The following CYB5D2 variants were observed in gnomAD, a reference collection of about 807,000 sequenced individuals.
The protein encoded by CYB5D2 is cytochrome b5 domain containing 2, also known as neuferricin.
A neutral mutation model predicts 22.8 loss-of-function variants in CYB5D2; 23 were observed. The observed-to-expected ratio is 1.01, with a 90% CI of 0.73 to 1.43. The LOEUF is 1.43. CYB5D2 is among the 40% of genes most tolerant of loss of function. The pLI, the probability that CYB5D2 is intolerant of heterozygous loss-of-function variation, is 0.00. For missense variants in CYB5D2, 373 were observed against 357.2 expected, an observed-to-expected ratio of 1.04 and a Z score of -0.36; for synonymous variants, 170 against 152.2, an observed-to-expected ratio of 1.12 and a Z score of -0.86.
At chr17:4,146,328 C>T (rs1260892143) in intron 1 of CYB5D2, among the ~76,000 whole-genome samples, 1 of 152,038 alleles carries the variant, frequency 6.6e-6, no homozygotes, top group Non-Finnish European at 1.5e-5. Context: ...ATCCTGGCCT[C>T]ATGTGATCCA....
In CYB5D2 at chr17:4,143,549, C is replaced by A; in HGVS notation, c.-207C>A. On this transcript the variant is annotated 5_prime_UTR_variant, in exon 1 of 4. The change creates a new upstream start codon in the 5' untranslated region. Coordinates refer to ENST00000301391, the MANE Select transcript of CYB5D2 (RefSeq NM_144611.4). ...TCTCAGAAAAAAAAAAAAAAAGTAC[C>A]TGGAAAAAGTCGCAGACAGCGAGCT... The A allele has an allele frequency of 1.7e-6, 1 of 579,266 alleles. No homozygotes were observed. Among genetic ancestry groups the A allele is most frequent in the Non-Finnish European group, 2.8e-6 (1 of 358,582 alleles). The allele number at this position is 579,266 out of a possible 1,614,324, so 35.9% of individuals were successfully genotyped here. A position where few individuals can be genotyped will look rare whatever the true frequency, so the allele number is the denominator to read the frequency against.
chr17:4,149,675 T>G (rs4790573), intron 1 of CYB5D2, among the ~76,000 whole-genome samples: 108,089 of 152,026 alleles, frequency 0.71, 39,686 homozygotes, highest in East Asian at 0.92. Flanking sequence ...GGCGGGCGCC[T>G]GTAATCCCCG....
chr17:4,154,982 A>G (rs2059098976), intron 3 of CYB5D2, 122 bp downstream of exon 3: 2 of 1,045,298 alleles, frequency 1.9e-6, no homozygotes, highest in African/African-American at 1.6e-5. Context: ...TTTTCAAAAT[A>G]CTGATAATAA....
At chr17:4,147,314 G>A (rs1447402507) in intron 1 of CYB5D2, among the ~76,000 whole-genome samples, 1 of 152,152 alleles carries the variant, frequency 6.6e-6, no homozygotes, top group Non-Finnish European at 1.5e-5. Context: ...GATATTTACT[G>A]GGAATTTACT....
Position 4,143,241 on chromosome 17 carries a change from G to T in CYB5D2, c.-515G>T. The T allele has an allele frequency of 4.3e-6, 1 of 230,588 alleles. No homozygotes were observed. The highest frequency in any genetic ancestry group is 2.3e-5 in the African/African-American group (1 of 44,286). 14.3% of individuals were successfully genotyped at this position (230,588 alleles called of 1,614,324 possible). A position where few individuals can be genotyped will look rare whatever the true frequency, so the allele number is the denominator to read the frequency against. On this transcript the variant is annotated 5_prime_UTR_variant, in exon 1 of 4. Coordinates refer to ENST00000301391, the MANE Select transcript of CYB5D2 (RefSeq NM_144611.4). ...ACAACCTGCAAGCCAAGAAGTACGA[G>T]AAGGGCCAGGCGCGGTGGCTCACGC... is the stretch of plus-strand genomic sequence containing the variant.
At chr17:4,145,151 G>GA (rs2058973607) in intron 1 of CYB5D2, among the ~76,000 whole-genome samples, 1 of 150,794 alleles carries the variant, frequency 6.6e-6, no homozygotes, top group East Asian at 1.9e-4. Context: ...AATTTAAAAA[G>GA]AAAAAAAAAG....
chr17:4,147,072 T>G (rs2059000302), intron 1 of CYB5D2, among the ~76,000 whole-genome samples: 1 of 152,224 alleles, frequency 6.6e-6, no homozygotes, highest in African/African-American at 2.4e-5. Flanking sequence ...CTACTTTTTT[T>G]GCCTGTTATA....
chr17:4,150,891 C>G (rs1016723644), intron 2 of CYB5D2: 1 of 152,268 alleles, frequency 6.6e-6, no homozygotes. Flanking sequence ...TAGATTGCTT[C>G]ACAAGTACTG....
chr17:4,143,965 G>C lies in CYB5D2; in HGVS notation c.210G>C (p.Arg70=), dbSNP rs1322696669. 6.2e-7 allele frequency: 1 copy of C among 1,612,332 alleles called. No individual in the cohort carries two copies. The change falls in exon 1 of 4, where the codon CGG becomes CGC. Residue 70 remains arginine, a synonymous_variant. Transcript: ENST00000301391. ...LGRVYDVSSG[R]RHYEPGSHYS... ...GTGTCTACGATGTGTCCTCCGGCCG[G>C]AGGCACTACGAGCCTGGGTCCCACT...
intron 2 of CYB5D2, among the ~76,000 whole-genome samples, chr17:4,152,270 A>G (rs2059067015): frequency 6.6e-6 from 1 of 152,202 alleles, no homozygotes; most frequent in Admixed American, 6.5e-5. Flanking sequence ...CAGGGGGACC[A>G]GGGATGAATT....
chr17:4,147,350 T>C (rs2059003645), intron 1 of CYB5D2, among the ~76,000 whole-genome samples: 1 of 152,256 alleles, frequency 6.6e-6, no homozygotes, highest in South Asian at 2.1e-4. Context: ...TACCAGACAC[T>C]GGGGAATCCA....
In CYB5D2 at chr17:4,157,416, T is replaced by C. The variant is rs1228022660; in HGVS notation, c.*334T>C. On this transcript the variant is annotated 3_prime_UTR_variant, in exon 4 of 4. Coordinates refer to ENST00000301391, the MANE Select transcript of CYB5D2 (RefSeq NM_144611.4). The surrounding 1 kb of genome is among the most constrained non-coding windows in gnomAD (Gnocchi z 4.4). Reference sequence around the variant, plus strand: ...ATTTACAACCAAAAGCCTGCTGAGTTGATTACAGCTGGGCCAATACAGTAC... The same window carrying C: ...ATTTACAACCAAAAGCCTGCTGAGTCGATTACAGCTGGGCCAATACAGTAC... 1 of 401,508 alleles carries C rather than the reference T, an allele frequency of 2.5e-6. No individual in the cohort carries two copies. Among genetic ancestry groups the C allele is most frequent in the Non-Finnish European group, 4.6e-6 (1 of 215,084 alleles). 24.9% of individuals were successfully genotyped at this position (401,508 alleles called of 1,614,324 possible).
rs376900070 is a variant in CYB5D2, at chr17:4,154,710, T to C, written c.428T>C (p.Leu143Pro). ...GGACGGTTCTACGGAGAGGATGGGC[T>C]GCCCACCCCGGCACTGACCCAGGTA... Reference protein sequence around the residue: ...VTGRFYGEDGLPTPALTQVEA... With the variant: ...VTGRFYGEDGPPTPALTQVEA... Residue 143 changes from leucine to proline, a missense_variant, in exon 3 of 4, where the codon CTG (leucine) becomes CCG (proline). Leu to Pro is a moderately conservative substitution (Grantham distance 98). Coordinates refer to ENST00000301391, the MANE Select transcript of CYB5D2 (RefSeq NM_144611.4). The C allele has an allele frequency of 2.5e-5, 40 of 1,614,062 alleles. No individual in the cohort carries two copies. Among genetic ancestry groups the C allele is most frequent in the Admixed American group, 1.8e-4 (11 of 60,000 alleles).
At chr17:4,151,290 C>G (rs548627417) in intron 2 of CYB5D2, among the ~76,000 whole-genome samples, 8 of 152,316 alleles carry the variant, frequency 5.3e-5, no homozygotes, top group African/African-American at 1.7e-4. Flanking sequence ...CTGACCTCTA[C>G]TCACCTGCGC....
chr17:4,156,384 C>G (rs1597983752), intron 3 of CYB5D2, among the ~76,000 whole-genome samples: 1 of 152,230 alleles, frequency 6.6e-6, no homozygotes, highest in Non-Finnish European at 1.5e-5. Flanking sequence ...GAAGGCCGAC[C>G]CAGGTGGCCA....
rs2059125399 is a variant in CYB5D2 at position 4,157,609 on chromosome 17, T to G, written c.*527T>G. 6.4e-6 allele frequency: 1 copy of G among 156,424 alleles called. No individual in the cohort carries two copies. Among genetic ancestry groups the G allele is most frequent in the Non-Finnish European group, 1.4e-5 (1 of 71,052 alleles). The allele number at this position is 156,424 out of a possible 1,614,324, so 9.7% of individuals were successfully genotyped here. On this transcript the variant is annotated 3_prime_UTR_variant, in exon 4 of 4. Transcript: ENST00000301391. The surrounding 1 kb of genome is among the most constrained non-coding windows in gnomAD (Gnocchi z 4.4). ...TGTGGTGTGTTTTCAAAGGCAGAAG[T>G]CTGCATTTTGAGCAAAAGGTGGCTT...
rs1178310449 is a variant in CYB5D2 at position 4,154,751 on chromosome 17, A to T, written c.469A>T (p.Arg157Ter). 1 of 1,614,104 alleles carries T rather than the reference A, an allele frequency of 6.2e-7. No individual in the cohort carries two copies. The highest frequency in any genetic ancestry group is 8.5e-7 in the Non-Finnish European group (1 of 1,180,048). ...GACCCAGGTAGAAGCTGCGATCACC[A>T]GAGGCTTGGAGGCCAACAAACTACA... Reference protein sequence around the residue: ...ALTQVEAAITRGLEANKLQLQ... With the variant: ...ALTQVEAAIT Residue 157 changes from arginine (R) to a stop codon, truncating the protein, a stop_gained, in exon 3 of 4, where the codon AGA (arginine) becomes TGA (stop). Coordinates refer to ENST00000301391, the MANE Select transcript of CYB5D2 (RefSeq NM_144611.4). LOFTEE classifies it high-confidence loss of function.
chr17:4,149,880 C>A lies in CYB5D2; in HGVS notation c.251-11C>A. On this transcript the variant is annotated splice_polypyrimidine_tract_variant and intron_variant, in intron 1 of 3. Coordinates refer to ENST00000301391, the MANE Select transcript of CYB5D2 (RefSeq NM_144611.4). ...TTACACCTGGGTCTGATGGAAACAT[C>A]TCTGTTCCAGGCCGAGACGCATCCA... 1 of 1,611,666 alleles carries A rather than the reference C, an allele frequency of 6.2e-7. No homozygotes were observed. The highest frequency in any genetic ancestry group is 8.5e-7 in the Non-Finnish European group (1 of 1,178,362).
chr17:4,153,421 G>A (rs1166450289), intron 2 of CYB5D2, among the ~76,000 whole-genome samples: 1 of 152,230 alleles, frequency 6.6e-6, no homozygotes, highest in African/African-American at 2.4e-5. Flanking sequence ...TAGCTTGTAA[G>A]AGGCTGAAGA....
Sources: gnomAD v4.1 joint callset for allele counts (sites outside exome capture counted in the v4.1 genomes callset) on GRCh38, gnomAD v4.1.1 for gene constraint, Gnocchi (gnomAD v3.1) non-coding constraint, MANE v1.5 for transcripts, NCBI Gene and HGNC (gene_info 2026-07-23, HGNC 2026-07-21) for gene names.